The following PHKB variants were observed in gnomAD, a reference collection of about 807,000 sequenced individuals.
PHKB encodes phosphorylase kinase regulatory subunit beta, also known as phosphorylase b kinase regulatory subunit beta.
In PHKB, 122 loss-of-function variants were observed where a neutral mutation model predicts 152.1. That is an observed-to-expected ratio of 0.80 (90% confidence interval 0.69 to 0.93). The LOEUF (loss-of-function observed/expected upper bound fraction) is 0.93. Among genes scored for constraint, PHKB ranks in the 40% least tolerant of loss-of-function variants. PHKB has a pLI of 0.00. For missense variants in PHKB, 1,304 were observed against 1,328.4 expected (o/e 0.98, Z 0.29); for synonymous variants, 436 against 464.9 (o/e 0.94, Z 0.80).
intron 26 of PHKB, among the ~76,000 whole-genome samples, chr16:47,685,359 A>C (rs1344766410): frequency 6.6e-6 from 1 of 152,132 alleles, no homozygotes; most frequent in Non-Finnish European, 1.5e-5. Flanking sequence ...TGGGAGCCGG[A>C]GGTTGCGGTG....
At chr16:47,620,899 AG>A (rs1790089310) in intron 14 of PHKB, among the ~76,000 whole-genome samples, 1 of 152,110 alleles carries the variant, frequency 6.6e-6, no homozygotes, top group African/African-American at 2.4e-5. Context: ...ATAAAAAAAA[AG>A]AGATGTTCTA....
chr16:47,680,276 G>A (rs1290117317), intron 26 of PHKB, among the ~76,000 whole-genome samples: 1 of 152,070 alleles, frequency 6.6e-6, no homozygotes, highest in East Asian at 1.9e-4. Context: ...GGATTATGCT[G>A]GCCTCATAAA....
chr16:47,465,791 T>C (rs1197828991), intron 1 of PHKB, among the ~76,000 whole-genome samples: 2 of 152,208 alleles, frequency 1.3e-5, no homozygotes, highest in Admixed American at 6.5e-5. Flanking sequence ...TCCATTTATA[T>C]TGGAAATGAT....
intron 1 of PHKB, among the ~76,000 whole-genome samples, chr16:47,474,746 T>C (rs1969839475): frequency 6.6e-6 from 1 of 151,716 alleles, no homozygotes; most frequent in African/African-American, 2.4e-5. Flanking sequence ...TTTTTTGAGA[T>C]GGAGTTTTGC....
intron 7 of PHKB, chr16:47,565,961 G>T: frequency 1.2e-6 from 1 of 868,884 alleles, no homozygotes; most frequent in Non-Finnish European, 1.8e-6. Context: ...CATCCCAAGA[G>T]TAATCATCTC....
chr16:47,577,033 TCTTAA>T (rs1482005985), intron 7 of PHKB, among the ~76,000 whole-genome samples: 3 of 152,030 alleles, frequency 2.0e-5, no homozygotes, highest in South Asian at 2.1e-4. Flanking sequence ...TTCCACCTTT[TCTTAA>T]CTTAGCTGAT....
intron 2 of PHKB, 115 bp downstream of exon 2, chr16:47,497,603 G>T (rs1196602285): frequency 7.0e-6 from 5 of 715,280 alleles, no homozygotes; most frequent in Non-Finnish European, 1.3e-5. Context: ...GGGATTTGGG[G>T]TACTTTCAGT....
At chr16:47,617,082 C>A (rs1292271834) in intron 14 of PHKB, among the ~76,000 whole-genome samples, 1 of 151,850 alleles carries the variant, frequency 6.6e-6, no homozygotes, top group Non-Finnish European at 1.5e-5. Flanking sequence ...ATGAGCATGT[C>A]ACAGTCCTGC....
intron 14 of PHKB, among the ~76,000 whole-genome samples, chr16:47,637,677 G>A (rs936270368): frequency 6.6e-6 from 1 of 152,142 alleles, no homozygotes; most frequent in African/African-American, 2.4e-5. Flanking sequence ...GATTGTAGAG[G>A]GCAGAAGTAC....
intron 1 of PHKB, chr16:47,461,991 GA>G (rs1969571458): frequency 6.5e-6 from 1 of 153,014 alleles, no homozygotes; most frequent in Non-Finnish European, 1.5e-5. Context: ...TTAGGGCCCA[GA>G]AAGAAAAGGG....
intron 13 of PHKB, among the ~76,000 whole-genome samples, chr16:47,599,780 T>C (rs1300946609): frequency 6.6e-6 from 1 of 152,220 alleles, no homozygotes; most frequent in African/African-American, 2.4e-5. Flanking sequence ...AAAAGAAATA[T>C]TGCATATTCA....
intron 7 of PHKB, among the ~76,000 whole-genome samples, chr16:47,558,975 T>C (rs971783688): frequency 6.6e-6 from 1 of 152,372 alleles, no homozygotes; most frequent in East Asian, 1.9e-4. Flanking sequence ...GAATTTCATA[T>C]GTGTTCGCCT....
At chr16:47,569,946 G>T (rs1971630802) in intron 7 of PHKB, among the ~76,000 whole-genome samples, 1 of 152,160 alleles carries the variant, frequency 6.6e-6, no homozygotes, top group African/African-American at 2.4e-5. Flanking sequence ...TAGATGTTTA[G>T]AACTCCATTG....
At chr16:47,567,750 G>C (rs563753957) in intron 7 of PHKB, among the ~76,000 whole-genome samples, 3 of 152,244 alleles carry the variant, frequency 2.0e-5, no homozygotes, top group South Asian at 2.1e-4. Flanking sequence ...TATCATGAAG[G>C]GATGCTGGAT....
intron 1 of PHKB, among the ~76,000 whole-genome samples, chr16:47,476,699 C>T (rs1026906883): frequency 2.0e-5 from 3 of 152,094 alleles, no homozygotes; most frequent in African/African-American, 7.2e-5. Flanking sequence ...TATTTCCTCC[C>T]TTATGCATTA....
chr16:47,666,848 T>C (rs1387693077), intron 25 of PHKB, among the ~76,000 whole-genome samples: 1 of 152,228 alleles, frequency 6.6e-6, no homozygotes, highest in African/African-American at 2.4e-5. Flanking sequence ...GGCTGAATCA[T>C]CCTTTGATTA....
intron 8 of PHKB, among the ~76,000 whole-genome samples, chr16:47,580,975 A>G (rs914433626): frequency 6.6e-6 from 1 of 152,232 alleles, no homozygotes; most frequent in African/African-American, 2.4e-5. Flanking sequence ...GGAAAGGAAT[A>G]AAATGTAGGA....
At chr16:47,631,458 G>A (rs1385221584) in intron 14 of PHKB, among the ~76,000 whole-genome samples, 6 of 152,200 alleles carry the variant, frequency 3.9e-5, no homozygotes, top group African/African-American at 1.4e-4. Flanking sequence ...CAAAACAAAT[G>A]TAAGCAAGAA....
At chr16:47,543,491 G>A (rs567255836) in intron 6 of PHKB, among the ~76,000 whole-genome samples, 1 of 152,262 alleles carries the variant, frequency 6.6e-6, no homozygotes, top group East Asian at 1.9e-4. Flanking sequence ...CCAGGCTTTA[G>A]TATCAGGATG....
Sources: allele counts gnomAD v4.1 joint callset (sites outside exome capture counted in the v4.1 genomes callset), GRCh38; gene constraint gnomAD v4.1.1; transcripts MANE v1.5; gene names NCBI Gene and HGNC (gene_info 2026-07-23, HGNC 2026-07-21).